Variants in EVC2 observed in about 807,000 individuals in gnomAD.
The protein encoded by EVC2 is EvC ciliary complex subunit 2.
A neutral mutation model predicts 149.3 loss-of-function variants in EVC2; 148 were observed. The observed-to-expected ratio is 0.99, with a 90% CI of 0.87 to 1.14. The LOEUF is 1.14. Ranked by LOEUF, EVC2 falls within the 50% of genes most tolerant of loss-of-function variation. The pLI is 0.00. For missense variants in EVC2, 1,854 were observed against 1,627.3 expected (o/e 1.14, Z -2.40); for synonymous variants, 776 against 649.9 (o/e 1.19, Z -2.95).
At chr4:5,574,620 C>G in intron 19 of EVC2, 65 bp downstream of exon 19, 1 of 1,509,644 alleles carries the variant, frequency 6.6e-7, no homozygotes, top group East Asian at 2.3e-5. Context: ...AATGTGGATT[C>G]TGAGAAAAAG....
At chr4:5,624,102 AAGG>A (rs1447240665) in intron 13 of EVC2, among the ~76,000 whole-genome samples, 1 of 152,172 alleles carries the variant, frequency 6.6e-6, no homozygotes, top group African/African-American at 2.4e-5. Flanking sequence ...AGACCTAAGG[AAGG>A]AGGTCTCATC....
intron 4 of EVC2, 106 bp downstream of exon 4, chr4:5,691,159 G>A (rs929647386): frequency 1.0e-6 from 1 of 1,000,280 alleles, no homozygotes; most frequent in African/African-American, 1.6e-5. Flanking sequence ...GACTTGTGTA[G>A]GTAAGCCCAT....
At chr4:5,579,885 A>G (rs1252740742) in intron 17 of EVC2, among the ~76,000 whole-genome samples, 1 of 152,196 alleles carries the variant, frequency 6.6e-6, no homozygotes, top group Non-Finnish European at 1.5e-5. Flanking sequence ...GAGGCTTGGG[A>G]AAGTAAACAC....
At chr4:5,546,040 C>A (rs1376312142) in intron 21 of EVC2, among the ~76,000 whole-genome samples, 1 of 152,106 alleles carries the variant, frequency 6.6e-6, no homozygotes, top group Non-Finnish European at 1.5e-5. Flanking sequence ...GTTAGAATGG[C>A]AATCATTAAA....
chr4:5,647,017 C>T (rs931244677), intron 9 of EVC2, among the ~76,000 whole-genome samples: 7 of 152,304 alleles, frequency 4.6e-5, no homozygotes, highest in African/African-American at 9.6e-5. Flanking sequence ...AGAGATATTG[C>T]CACCTGTGGG....
chr4:5,551,518 T>C (rs1721738403), intron 21 of EVC2, among the ~76,000 whole-genome samples: 1 of 152,216 alleles, frequency 6.6e-6, no homozygotes, highest in Non-Finnish European at 1.5e-5. Flanking sequence ...AGCAAGTAAC[T>C]AGCTTGTTTT....
the EVC2 span, among the ~76,000 whole-genome samples, chr4:5,534,761 C>T: frequency 1.1e-4 from 16 of 149,044 alleles, no homozygotes; most frequent in African/African-American, 3.5e-4. Context: ...AGTTCTGATA[C>T]CCTGGTTTTT....
At chr4:5,635,648 A>G (rs1716845574) in intron 10 of EVC2, among the ~76,000 whole-genome samples, 1 of 152,224 alleles carries the variant, frequency 6.6e-6, no homozygotes, top group Non-Finnish European at 1.5e-5. Flanking sequence ...TACTCCCCAT[A>G]CTCAGAAAGA....
At chr4:5,543,679 C>G (rs1164698654) in intron 21 of EVC2, among the ~76,000 whole-genome samples, 4 of 152,088 alleles carry the variant, frequency 2.6e-5, no homozygotes, top group Non-Finnish European at 4.4e-5. Flanking sequence ...CAGGAAGAAC[C>G]ATAGGGGTGG....
At position 5,665,552 on chromosome 4, in the gene EVC2, T is replaced by G. The variant is rs1209528522; in HGVS notation, c.968A>C (p.Tyr323Ser). 6 of 1,614,014 alleles carry G rather than the reference T, an allele frequency of 3.7e-6. No homozygotes were observed. Among genetic ancestry groups the G allele is most frequent in the Non-Finnish European group, 5.1e-6 (6 of 1,180,026 alleles). The change falls in exon 8 of 22, where the codon TAT (tyrosine) becomes TCT (serine). Residue 323 changes from tyrosine to serine, a missense_variant. Transcript: ENST00000344408. ...TWAALFLMVRYQCLKGNMLTR... is the reference protein window; with the variant it reads ...TWAALFLMVRSQCLKGNMLTR... ...GAGCATGTTTCCCTTCAGACACTGA[T>G]AGCGAACCATGAGGAAGAGGGCAGC...
intron 7 of EVC2, among the ~76,000 whole-genome samples, chr4:5,671,906 G>A (rs1719674233): frequency 6.6e-6 from 1 of 152,238 alleles, no homozygotes; most frequent in South Asian, 2.1e-4. Flanking sequence ...CTCTATTTAA[G>A]TGGATACATC....
chr4:5,565,366 G>A lies in EVC2; in HGVS notation c.3558-7C>T, dbSNP rs2108767379. On this transcript the variant is annotated splice_polypyrimidine_tract_variant and splice_region_variant and intron_variant, in intron 20 of 21. Coordinates refer to ENST00000344408, the MANE Select transcript of EVC2 (RefSeq NM_147127.5). The stretch of plus-strand genomic sequence containing the variant: ...CCACCAGCTCTGGTGTTTCCTGCAG[G>A]CAAGAAGGGAGTCTTATAGTTTCAA... The A allele has an allele frequency of 6.2e-7, 1 of 1,613,600 alleles. No individual in the cohort carries two copies. Among genetic ancestry groups the A allele is most frequent in the Non-Finnish European group, 8.5e-7 (1 of 1,179,674 alleles).
At chr4:5,585,208 A>G (rs2108789341) in intron 16 of EVC2, among the ~76,000 whole-genome samples, 1 of 152,142 alleles carries the variant, frequency 6.6e-6, no homozygotes, top group East Asian at 1.9e-4. Flanking sequence ...AATCCCAGCC[A>G]AGGTTCCCCT....
chr4:5,628,859 T>C, intron 11 of EVC2, 125 bp from the exon 12 acceptor site: 1 of 954,872 alleles, frequency 1.0e-6, no homozygotes, highest in South Asian at 1.6e-5. Context: ...ACATGAGAAT[T>C]AACACCTTTA....
rs1225130495 is a variant in EVC2, at chr4:5,565,379, CTT to C, written c.3558-22_3558-21del. 6.2e-7 allele frequency: 1 copy of C among 1,612,220 alleles called. No homozygotes were observed. Among genetic ancestry groups the C allele is most frequent in the Non-Finnish European group, 8.5e-7 (1 of 1,178,450 alleles). ...TGTTTCCTGCAGGCAAGAAGGGAGTCTTATAGTTTCAAAAATACGCCTGTAAT... is the reference window on the plus strand; with the variant it reads ...TGTTTCCTGCAGGCAAGAAGGGAGTCATAGTTTCAAAAATACGCCTGTAAT... On this transcript the variant is annotated intron_variant, in intron 20 of 21. Coordinates refer to ENST00000344408, the MANE Select transcript of EVC2 (RefSeq NM_147127.5).
intron 21 of EVC2, among the ~76,000 whole-genome samples, chr4:5,555,285 A>G (rs1427323937): frequency 6.6e-6 from 1 of 152,226 alleles, no homozygotes. Context: ...ACTTGCAAAC[A>G]TGGCTGATAT....
chr4:5,607,935 A>G (rs1319652944), intron 16 of EVC2, among the ~76,000 whole-genome samples: 1 of 151,740 alleles, frequency 6.6e-6, no homozygotes, highest in Non-Finnish European at 1.5e-5. Flanking sequence ...AAAATGAGAG[A>G]AAGGGGAGGA....
At chr4:5,574,085 A>G (rs989362835) in intron 19 of EVC2, among the ~76,000 whole-genome samples, 8 of 152,238 alleles carry the variant, frequency 5.3e-5, no homozygotes, top group Admixed American at 6.5e-5. Context: ...TGTGGCTCGC[A>G]TTCACCACTG....
chr4:5,567,405 A>T lies in EVC2; in HGVS notation c.3557+1039T>A, dbSNP rs1194585462. On this transcript the variant is annotated intron_variant, in intron 20 of 21. Transcript: ENST00000344408. This position sits in a 1 kb window ranked among gnomAD's most constrained non-coding sequence, Gnocchi z 4.4. ...GGAAAACATTACCCCTTTTCTCAGGACAAATGCTATCTACACAGTCATGAT... is the reference window on the plus strand; with the variant it reads ...GGAAAACATTACCCCTTTTCTCAGGTCAAATGCTATCTACACAGTCATGAT... Among the ~76,000 whole-genome samples, 6 of 152,146 alleles carry T rather than the reference A, an allele frequency of 3.9e-5. No homozygotes were observed. The highest frequency in any genetic ancestry group is 7.2e-5 in the African/African-American group (3 of 41,440).
Sources: gnomAD v4.1 joint callset for allele counts (sites outside exome capture counted in the v4.1 genomes callset) on GRCh38, gnomAD v4.1.1 for gene constraint, Gnocchi (gnomAD v3.1) non-coding constraint, MANE v1.5 for transcripts, NCBI Gene and HGNC (gene_info 2026-07-23, HGNC 2026-07-21) for gene names.